Variants in ADAMTS12 observed in about 807,000 individuals in gnomAD.
ADAMTS12 encodes the protein ADAM metallopeptidase with thrombospondin type 1 motif 12, also known as A disintegrin and metalloproteinase with thrombospondin motifs 12.
In ADAMTS12, 118 loss-of-function variants were observed where a neutral mutation model predicts 167.8. The ratio of observed to expected loss-of-function variants is 0.70; its 90% CI spans 0.61 to 0.82. The LOEUF is 0.82. Ranked by LOEUF, ADAMTS12 falls within the 40% of genes least tolerant of loss-of-function variation. The probability of loss-of-function intolerance (pLI) is 0.00; values close to 1 mark genes in which losing one functional copy is unlikely to be tolerated. For missense variants in ADAMTS12, 1,916 were observed against 1,998.8 expected (o/e 0.96, Z 0.79); for synonymous variants, 704 against 716.9 (o/e 0.98, Z 0.29).
At chr5:33,659,720 A>AGCT (rs1741188728) in intron 6 of ADAMTS12, among the ~76,000 whole-genome samples, 2 of 152,060 alleles carry the variant, frequency 1.3e-5, no homozygotes, top group Non-Finnish European at 2.9e-5. Context: ...AGCAGCCACT[A>AGCT]GCTGCACATG....
chr5:33,528,371 A>T (rs1743922082), intron 23 of ADAMTS12, among the ~76,000 whole-genome samples: 2 of 152,184 alleles, frequency 1.3e-5, no homozygotes, highest in Admixed American at 6.5e-5. Context: ...CCACTAAGGA[A>T]CGTGAGTTTT....
intron 18 of ADAMTS12, among the ~76,000 whole-genome samples, chr5:33,585,417 T>C (rs1037607864): frequency 6.6e-6 from 1 of 152,190 alleles, no homozygotes; most frequent in African/African-American, 2.4e-5. Flanking sequence ...CTAGAGCCCT[T>C]TTATTGTAAA....
At chr5:33,859,207 C>T (rs1156868024) in intron 2 of ADAMTS12, among the ~76,000 whole-genome samples, 1 of 152,232 alleles carries the variant, frequency 6.6e-6, no homozygotes, top group Non-Finnish European at 1.5e-5. Flanking sequence ...GCCAAGTGGT[C>T]TAGCTCCCCA....
At chr5:33,565,536 C>A (rs536186278) in intron 19 of ADAMTS12, among the ~76,000 whole-genome samples, 1 of 152,256 alleles carries the variant, frequency 6.6e-6, no homozygotes, top group East Asian at 1.9e-4. Context: ...GGACTCTTGC[C>A]AAATGTGGAG....
At chr5:33,586,289 T>G (rs1442144144) in intron 18 of ADAMTS12, among the ~76,000 whole-genome samples, 1 of 152,014 alleles carries the variant, frequency 6.6e-6, no homozygotes, top group African/African-American at 2.4e-5. Flanking sequence ...CATTAGGAGG[T>G]TATTAGTAAG....
intron 23 of ADAMTS12, among the ~76,000 whole-genome samples, chr5:33,531,117 T>G (rs1278631299): frequency 1.3e-5 from 2 of 152,158 alleles, no homozygotes; most frequent in Non-Finnish European, 2.9e-5. Context: ...GACAGCCATG[T>G]GGTAATGGAG....
intron 18 of ADAMTS12, among the ~76,000 whole-genome samples, chr5:33,582,327 A>G (rs1257801414): frequency 6.6e-6 from 1 of 152,136 alleles, no homozygotes; most frequent in Non-Finnish European, 1.5e-5. Flanking sequence ...CTCCACACCA[A>G]AAGAGGGAGT....
In ADAMTS12 at chr5:33,686,864, C is replaced by A. The variant is rs78571684; in HGVS notation, c.635-2809G>T. Among the ~76,000 whole-genome samples, 731 of 150,342 alleles carry A rather than the reference C, an allele frequency of 4.9e-3. 14 individuals are homozygous for A. In the East Asian group the frequency reaches 0.075, roughly 15 times the overall value. On this transcript the variant is annotated intron_variant, in intron 3 of 23. Transcript: ENST00000504830. Reference sequence around the variant, plus strand: ...GTGTCCTCATCTGTCTCCTCTCTCTCTATATATATATGTAGGCACTGAATA... The same window carrying A: ...GTGTCCTCATCTGTCTCCTCTCTCTATATATATATATGTAGGCACTGAATA...
chr5:33,660,706 C>G (rs920129292), intron 6 of ADAMTS12, among the ~76,000 whole-genome samples: 1 of 152,170 alleles, frequency 6.6e-6, no homozygotes, highest in Admixed American at 6.5e-5. Context: ...TGCTAGCTCC[C>G]CAGAGTCCCC....
intron 9 of ADAMTS12, among the ~76,000 whole-genome samples, chr5:33,647,178 C>T (rs1004763522): frequency 3.3e-5 from 5 of 152,016 alleles, no homozygotes; most frequent in African/African-American, 7.2e-5. Context: ...AACATAAGGC[C>T]GGAGAGCAAG....
intron 2 of ADAMTS12, among the ~76,000 whole-genome samples, chr5:33,814,945 G>T (rs1241105226): frequency 6.6e-6 from 1 of 152,180 alleles, no homozygotes; most frequent in Non-Finnish European, 1.5e-5. Context: ...ATAGGAAAAG[G>T]AGTAATGAGA....
At chr5:33,889,196 C>A (rs749645222) in intron 1 of ADAMTS12, among the ~76,000 whole-genome samples, 2 of 152,006 alleles carry the variant, frequency 1.3e-5, no homozygotes, top group Non-Finnish European at 2.9e-5. Context: ...TTCCTGTAAT[C>A]GCAGCATTTG....
intron 2 of ADAMTS12, among the ~76,000 whole-genome samples, chr5:33,785,225 G>A (rs1483305294): frequency 6.6e-6 from 1 of 151,896 alleles, no homozygotes; most frequent in African/African-American, 2.4e-5. Flanking sequence ...AACTATGGGA[G>A]AAACTATAGG....
intron 16 of ADAMTS12, among the ~76,000 whole-genome samples, chr5:33,607,112 A>G (rs1738479510): frequency 6.6e-6 from 1 of 152,128 alleles, no homozygotes; most frequent in African/African-American, 2.4e-5. Flanking sequence ...TTTTTTTTTC[A>G]CCGATAAGGA....
chr5:33,682,921 T>A, intron 5 of ADAMTS12, 97 bp downstream of exon 5: 1 of 951,852 alleles, frequency 1.1e-6, no homozygotes. Flanking sequence ...AAACACTTTC[T>A]GGTACCCTCT....
chr5:33,601,106 A>AGTGTGTGTGTGTGT (rs55841502), intron 16 of ADAMTS12, among the ~76,000 whole-genome samples: 36 of 145,922 alleles, frequency 2.5e-4, no homozygotes, highest in African/African-American at 5.0e-4. Flanking sequence ...CACATTTAAG[A>AGTGTGTGTGTGTGT]GTGTGTGTGT....
At chr5:33,616,143 C>T (rs1739000954) in intron 14 of ADAMTS12, 71 bp from the exon 15 acceptor site, 3 of 1,566,952 alleles carry the variant, frequency 1.9e-6, no homozygotes, top group Admixed American at 3.6e-5. Context: ...GTTTGTGACC[C>T]ACTGTTAATC....
chr5:33,793,855 G>C (rs1286647281), intron 2 of ADAMTS12, among the ~76,000 whole-genome samples: 1 of 152,166 alleles, frequency 6.6e-6, no homozygotes, highest in Non-Finnish European at 1.5e-5. Context: ...CCAGCTGTGA[G>C]AGAAAAGGGC....
chr5:33,874,551 C>T (rs991522554), intron 2 of ADAMTS12, among the ~76,000 whole-genome samples: 5 of 152,202 alleles, frequency 3.3e-5, no homozygotes, highest in African/African-American at 9.6e-5. Flanking sequence ...CATACTCGTA[C>T]CATATAATCC....
Sources: gnomAD v4.1 joint callset for allele counts (sites outside exome capture counted in the v4.1 genomes callset) on GRCh38, gnomAD v4.1.1 for gene constraint, MANE v1.5 for transcripts, NCBI Gene and HGNC (gene_info 2026-07-23, HGNC 2026-07-21) for gene names.